Variants in MTBP observed in about 807,000 individuals in gnomAD.
MTBP encodes the protein MDM2 binding protein, also known as mdm2-binding protein.
In MTBP, 101 loss-of-function variants were observed where a neutral mutation model predicts 117.0. The observed-to-expected ratio is 0.86, with a 90% CI of 0.73 to 1.02. MTBP has a LOEUF of 1.02. Ranked by LOEUF, MTBP falls within the 50% of genes least tolerant of loss-of-function variation. The pLI is 0.00. For missense variants in MTBP, 970 were observed against 1,030.9 expected (o/e 0.94, Z 0.81); for synonymous variants, 350 against 351.5 (o/e 1.00, Z 0.05).
intron 5 of MTBP, 60 bp downstream of exon 5, chr8:120,453,965 A>C (rs943251562): frequency 8.2e-5 from 83 of 1,011,956 alleles, no homozygotes; most frequent in Non-Finnish European, 1.2e-4. Context: ...TTTATGAATA[A>C]ATGATAAATT....
In MTBP at chr8:120,522,704, C is replaced by T; in HGVS notation, c.2661C>T (p.Asn887=). 1 of 1,605,124 alleles carries T rather than the reference C, an allele frequency of 6.2e-7. No homozygotes were observed. Among genetic ancestry groups the T allele is most frequent in the Non-Finnish European group, 8.5e-7 (1 of 1,174,386 alleles). Residue 887 remains asparagine, a synonymous_variant, in exon 21 of 22, where the codon AAC becomes AAT. Coordinates refer to ENST00000305949, the MANE Select transcript of MTBP (RefSeq NM_022045.5). ...GLFEEMKKTA[N]NNAVQVIDWV... is the part of the protein sequence containing the mutation. ...TTGAAGAAATGAAGAAAACAGCAAA[C>T]AACAATGCTGTACAGGTAAAGAAAT...
chr8:120,479,199 A>C (rs1004204831), intron 11 of MTBP, among the ~76,000 whole-genome samples: 1 of 152,232 alleles, frequency 6.6e-6, no homozygotes, highest in African/African-American at 2.4e-5. Flanking sequence ...TGGGATTAAT[A>C]GAAGCACAAA....
At chr8:120,446,379 G>A in intron 1 of MTBP, 54 bp from the exon 2 acceptor site, 1 of 1,086,814 alleles carries the variant, frequency 9.2e-7, no homozygotes, top group Middle Eastern at 2.4e-4. Flanking sequence ...ATTGGACTAA[G>A]TTAGATTATG....
chr8:120,500,732 AT>A (rs1814566228), intron 14 of MTBP, among the ~76,000 whole-genome samples: 1 of 152,352 alleles, frequency 6.6e-6, no homozygotes, highest in South Asian at 2.1e-4. Flanking sequence ...TGCAGTTTGC[AT>A]TAATTTTCAT....
intron 16 of MTBP, among the ~76,000 whole-genome samples, chr8:120,508,387 G>A (rs1814735483): frequency 6.6e-6 from 1 of 152,150 alleles, no homozygotes; most frequent in Non-Finnish European, 1.5e-5. Context: ...TATGAGAAAT[G>A]AGAGACAATA....
chr8:120,464,792 T>A (rs183269332), intron 10 of MTBP, among the ~76,000 whole-genome samples: 7 of 152,084 alleles, frequency 4.6e-5, no homozygotes, highest in African/African-American at 1.7e-4. Flanking sequence ...TTTACTAAAT[T>A]TTGAAATTTT....
At chr8:120,465,789 A>G (rs964697798) in intron 10 of MTBP, among the ~76,000 whole-genome samples, 1 of 151,148 alleles carries the variant, frequency 6.6e-6, no homozygotes, top group Non-Finnish European at 1.5e-5. Flanking sequence ...CCTCCCAAGT[A>G]GCTGGGATTA....
At chr8:120,448,265 C>G (rs1415443961) in intron 2 of MTBP, among the ~76,000 whole-genome samples, 1 of 152,112 alleles carries the variant, frequency 6.6e-6, no homozygotes, top group Non-Finnish European at 1.5e-5. Context: ...TCTCTGAGTT[C>G]CTTTAATATT....
chr8:120,490,353 A>T (rs756231817), intron 12 of MTBP, 110 bp from the exon 13 acceptor site: 49 of 654,278 alleles, frequency 7.5e-5, no homozygotes, highest in Non-Finnish European at 1.2e-4. Context: ...TGAGTGATTG[A>T]CTTTTATTTT....
intron 2 of MTBP, 109 bp downstream of exon 2, chr8:120,446,622 A>G: frequency 1.4e-6 from 1 of 708,354 alleles, no homozygotes; most frequent in Non-Finnish European, 2.5e-6. Flanking sequence ...ACTGTGTACA[A>G]GGCACTGAGT....
At position 120,490,580 on chromosome 8, in the gene MTBP, A is replaced by G. The variant is rs1208507519; in HGVS notation, c.1447+10A>G. The G allele has an allele frequency of 2.1e-5, 33 of 1,543,124 alleles. No individual in the cohort carries two copies. Among genetic ancestry groups the G allele is most frequent in the Non-Finnish European group, 2.7e-5 (31 of 1,128,260 alleles). ...TTGGAAGAATGCCTAAGTAAGTAACAATTTGTGTATTTTATCCTACCCTAA... is the reference window on the plus strand; with the variant it reads ...TTGGAAGAATGCCTAAGTAAGTAACGATTTGTGTATTTTATCCTACCCTAA... On this transcript the variant is annotated intron_variant, in intron 13 of 21. Transcript: ENST00000305949.
chr8:120,493,211 C>T (rs1053542059), intron 13 of MTBP, among the ~76,000 whole-genome samples: 2 of 152,156 alleles, frequency 1.3e-5, no homozygotes, highest in African/African-American at 4.8e-5. Context: ...TATGCTAACT[C>T]ATTTTTAGAC....
intron 11 of MTBP, among the ~76,000 whole-genome samples, chr8:120,482,518 T>G (rs1189615063): frequency 2.0e-5 from 3 of 152,308 alleles, no homozygotes; most frequent in South Asian, 2.1e-4. Context: ...CTCTATTCAT[T>G]GTAGCTTTCA....
Position 120,500,236 on chromosome 8 carries a change from G to C in MTBP, c.1610-2256G>C, listed in dbSNP as rs1418343071. ...TCTCAGAGAGCCTTTGTGCTTTTTG[G>C]CTGTCAGCATAGCCCAGCGTTTTGA... is the stretch of plus-strand genomic sequence containing the variant. On this transcript the variant is annotated intron_variant, in intron 14 of 21. Coordinates refer to ENST00000305949, the MANE Select transcript of MTBP (RefSeq NM_022045.5). Among the ~76,000 whole-genome samples the C allele has an allele frequency of 4.6e-5, 7 of 151,786 alleles. No individual in the cohort carries two copies. In the East Asian group the frequency reaches 1.2e-3, roughly 25 times the overall value.
chr8:120,446,352 G>T, intron 1 of MTBP, 81 bp from the exon 2 acceptor site: 1 of 829,432 alleles, frequency 1.2e-6, no homozygotes. Context: ...CTGGTCTTGA[G>T]AGTCTCTGAT....
chr8:120,448,876 G>A (rs1253359539), intron 2 of MTBP, among the ~76,000 whole-genome samples: 4 of 152,186 alleles, frequency 2.6e-5, no homozygotes, highest in Admixed American at 6.5e-5. Flanking sequence ...GGGACGGAAA[G>A]TACAATATGA....
rs576770976 is a variant in MTBP, at chr8:120,482,282, A to G, written c.1166-5877A>G. The stretch of plus-strand genomic sequence containing the variant: ...GGCAGAAAAAAAATTGAGAATCACT[A>G]CTTTAGGCCTTTAATTCCTTATCTA... On this transcript the variant is annotated intron_variant, in intron 11 of 21. Transcript: ENST00000305949. Among the ~76,000 whole-genome samples, 4 of 152,330 alleles carry G rather than the reference A, an allele frequency of 2.6e-5. No homozygotes were observed. The South Asian group carries it at 8.3e-4, about 32-fold the overall frequency.
chr8:120,487,704 T>C (rs930346972), intron 11 of MTBP, among the ~76,000 whole-genome samples: 2 of 152,230 alleles, frequency 1.3e-5, no homozygotes, highest in African/African-American at 4.8e-5. Flanking sequence ...CCATTCCCTC[T>C]GTAAAATACA....
intron 19 of MTBP, 87 bp downstream of exon 19, chr8:120,518,187 TATGA>T: frequency 7.2e-7 from 1 of 1,383,446 alleles, no homozygotes; most frequent in Non-Finnish European, 9.7e-7. Flanking sequence ...TAAAAAATTT[TATGA>T]ATGAAATGAA....
Sources: gnomAD v4.1 joint callset for allele counts (sites outside exome capture counted in the v4.1 genomes callset) on GRCh38, gnomAD v4.1.1 for gene constraint, MANE v1.5 for transcripts, NCBI Gene and HGNC (gene_info 2026-07-23, HGNC 2026-07-21) for gene names.